The following CWH43 variants were observed in gnomAD, a reference collection of about 807,000 sequenced individuals.
CWH43 encodes PGAP2-interacting protein.
CWH43 carries 91 observed loss-of-function variants against 85.7 expected under a neutral mutation model. That is an observed-to-expected ratio of 1.06 (90% CI 0.90 to 1.26). The LOEUF (loss-of-function observed/expected upper bound fraction) is 1.26. CWH43 is among the 50% of genes most tolerant of loss of function. The pLI is 0.00. For synonymous variants in CWH43, 323 were observed against 293.6 expected (o/e 1.10, Z -1.02); for missense variants, 869 against 839.2 (o/e 1.04, Z -0.44).
intron 9 of CWH43, among the ~76,000 whole-genome samples, chr4:49,024,783 T>G (rs1695789336): frequency 6.6e-6 from 1 of 152,090 alleles, no homozygotes; most frequent in African/African-American, 2.4e-5. Flanking sequence ...CCTCTTAAGA[T>G]TCTTTTTTTT....
rs772843452 is a variant in CWH43 at position 49,038,181 on chromosome 4, G to A, written c.1803+1G>A. 2.6e-6 allele frequency: 4 copies of A among 1,555,350 alleles called. No individual in the cohort carries two copies. The highest frequency in any genetic ancestry group is 1.4e-5 in the African/African-American group (1 of 72,260). On this transcript the variant is annotated splice_donor_variant, in intron 13 of 15. Coordinates refer to ENST00000226432, the MANE Select transcript of CWH43 (RefSeq NM_025087.3). LOFTEE classifies it high-confidence loss of function. The stretch of plus-strand genomic sequence containing the variant: ...GCTCACTGAACATGGCAATGTGAAG[G>A]TAACATAATCTTAATAGGATTTCTA...
intron 15 of CWH43, among the ~76,000 whole-genome samples, chr4:49,052,368 T>C (rs570141717): frequency 6.6e-6 from 1 of 152,276 alleles, no homozygotes; most frequent in East Asian, 1.9e-4. Flanking sequence ...GGAAAAATAG[T>C]AGTGGCTACT....
chr4:49,017,047 C>A, intron 8 of CWH43: 2 of 742,022 alleles, frequency 2.7e-6, no homozygotes, highest in South Asian at 1.4e-5. Flanking sequence ...ACCACCTCAG[C>A]GTCGGCTGGC....
chr4:49,050,777 C>T lies in CWH43; in HGVS notation c.1949C>T (p.Thr650Ile), dbSNP rs369629553. 1.3e-5 allele frequency: 21 copies of T among 1,611,668 alleles called. No individual in the cohort carries two copies. Among genetic ancestry groups the T allele is most frequent in the Non-Finnish European group, 1.7e-5 (20 of 1,177,934 alleles). ...AAATTTAGGATCCCTGATGACCCCA[C>T]TAATTATAGAGACAACCAGAAAGTG... is the stretch of plus-strand genomic sequence containing the variant. ...MAKFRIPDDP[T>I]NYRDNQKVVI... is the part of the protein sequence containing the mutation. Residue 650 changes from threonine (T) to isoleucine (I), a missense_variant, in exon 15 of 16, where the codon ACT becomes ATT. By Grantham distance (89) the Thr-to-Ile change is moderately conservative. This residue lies in a region of CWH43 where 577 missense variants were observed against 513.1 expected (regional missense o/e 1.12). Transcript: ENST00000226432.
At chr4:49,028,817 T>A in intron 10 of CWH43, 83 bp downstream of exon 10, 1 of 850,848 alleles carries the variant, frequency 1.2e-6, no homozygotes, top group Non-Finnish European at 1.9e-6. Context: ...AGCCATAACT[T>A]AATGCAGGTA....
chr4:49,035,759 G>GA (rs2109813596), intron 12 of CWH43, among the ~76,000 whole-genome samples: 1 of 152,110 alleles, frequency 6.6e-6, no homozygotes, highest in East Asian at 1.9e-4. Flanking sequence ...TATCTCCTGA[G>GA]AAAATGTAAA....
chr4:48,994,118 A>G (rs1782739241), intron 4 of CWH43, among the ~76,000 whole-genome samples: 2 of 152,150 alleles, frequency 1.3e-5, no homozygotes, highest in South Asian at 4.1e-4. Flanking sequence ...TAAAGTTGTG[A>G]AAGTTAAATG....
intron 9 of CWH43, among the ~76,000 whole-genome samples, chr4:49,021,426 C>G (rs1216653823): frequency 6.6e-6 from 1 of 152,050 alleles, no homozygotes; most frequent in Non-Finnish European, 1.5e-5. Context: ...TTTTTTTATA[C>G]CAGTACCATG....
chr4:49,005,039 G>GA (rs1783112257), intron 7 of CWH43, among the ~76,000 whole-genome samples: 1 of 152,058 alleles, frequency 6.6e-6, no homozygotes, highest in African/African-American at 2.4e-5. Flanking sequence ...CAAAGTGTTT[G>GA]AAAGATGAGG....
chr4:48,988,327 C>CGCCGTAT, intron 1 of CWH43, 150 bp from the exon 2 acceptor site: 1 of 448,296 alleles, frequency 2.2e-6, no homozygotes, highest in South Asian at 6.9e-5. Context: ...TTGTTTTGTT[C>CGCCGTAT]CATGTCAGTG....
intron 11 of CWH43, among the ~76,000 whole-genome samples, chr4:49,031,531 G>T (rs1427163583): frequency 6.6e-6 from 1 of 152,096 alleles, no homozygotes; most frequent in East Asian, 1.9e-4. Context: ...AAGAGCAACT[G>T]GTAAGAAAGG....
chr4:49,000,580 G>T (rs1249519132), intron 6 of CWH43, among the ~76,000 whole-genome samples: 1 of 152,184 alleles, frequency 6.6e-6, no homozygotes, highest in Admixed American at 6.5e-5. Context: ...AAAGGAAAAA[G>T]AAATGCATTG....
At chr4:48,998,629 A>G (rs960300300) in intron 6 of CWH43, 81 bp downstream of exon 6, 9 of 981,062 alleles carry the variant, frequency 9.2e-6, no homozygotes, top group Non-Finnish European at 1.5e-5. Context: ...ACTCGACTGA[A>G]AGTAGATACA....
intron 13 of CWH43, among the ~76,000 whole-genome samples, chr4:49,041,681 G>A (rs563384515): frequency 7.2e-5 from 11 of 152,138 alleles, no homozygotes; most frequent in Non-Finnish European, 1.0e-4. Flanking sequence ...ATCAGCACTG[G>A]AATGGCACTG....
At chr4:49,044,681 C>A in intron 13 of CWH43, 105 bp from the exon 14 acceptor site, 1 of 801,296 alleles carries the variant, frequency 1.2e-6, no homozygotes. Context: ...GAGAAAACAG[C>A]ATGTACAAAG....
At chr4:49,003,438 C>T (rs900934676) in intron 6 of CWH43, among the ~76,000 whole-genome samples, 24 of 151,962 alleles carry the variant, frequency 1.6e-4, no homozygotes, top group Non-Finnish European at 3.2e-4. Flanking sequence ...GTTTTTATTG[C>T]TGTTAGGATC....
chr4:49,029,872 G>A (rs552456289), intron 10 of CWH43, among the ~76,000 whole-genome samples: 2 of 152,266 alleles, frequency 1.3e-5, no homozygotes, highest in East Asian at 3.9e-4. Flanking sequence ...CTATCACCTT[G>A]TTCTCCTGCT....
At chr4:49,039,481 G>T (rs1223717809) in intron 13 of CWH43, among the ~76,000 whole-genome samples, 1 of 144,812 alleles carries the variant, frequency 6.9e-6, no homozygotes, top group Non-Finnish European at 1.5e-5. Context: ...TTTAGAATGA[G>T]AAATATGATT....
intron 2 of CWH43, among the ~76,000 whole-genome samples, chr4:48,989,169 A>G (rs184343482): frequency 4.6e-4 from 70 of 152,356 alleles, no homozygotes; most frequent in South Asian, 1.9e-3. Flanking sequence ...CAACAAATCA[A>G]TAGAAAAGGG....
Sources: gnomAD v4.1 joint callset for allele counts (sites outside exome capture counted in the v4.1 genomes callset) on GRCh38, gnomAD v4.1.1 for gene constraint, gnomAD v4.1.1 regional missense constraint, MANE v1.5 for transcripts, NCBI Gene and HGNC (gene_info 2026-07-23, HGNC 2026-07-21) for gene names.